The following RBFOX1 variants were observed in gnomAD, a reference collection of about 807,000 sequenced individuals.
RBFOX1 encodes the protein RNA binding protein fox-1 homolog 1.
RBFOX1 carries 8 observed loss-of-function variants against 57.7 expected under a neutral mutation model. The observed-to-expected ratio is 0.14, with a 90% confidence interval of 0.08 to 0.25. The LOEUF (loss-of-function observed/expected upper bound fraction) is 0.25. RBFOX1 is among the 10% of genes least tolerant of loss of function. The pLI is 1.00. For missense variants in RBFOX1, 611 were observed against 548.5 expected, an observed-to-expected ratio of 1.11 and a Z score of -1.14; for synonymous variants, 326 against 222.4, an observed-to-expected ratio of 1.47 and a Z score of -4.15.
chr16:5,994,792 A>G (rs1416558097), intron 4 of RBFOX1, among the ~76,000 whole-genome samples: 2 of 152,234 alleles, frequency 1.3e-5, no homozygotes, highest in Non-Finnish European at 2.9e-5. Context: ...CCTCCTGGGC[A>G]AGTCTCTTTT....
intron 4 of RBFOX1, among the ~76,000 whole-genome samples, chr16:5,916,162 G>A (rs1004506245): frequency 6.6e-6 from 1 of 151,774 alleles, no homozygotes; most frequent in Non-Finnish European, 1.5e-5. Flanking sequence ...CTGAAAATTC[G>A]TTTGGTGTCT....
At chr16:7,693,464 A>G (rs2077853464) in intron 14 of RBFOX1, 4 of 902,148 alleles carry the variant, frequency 4.4e-6, no homozygotes, top group Non-Finnish European at 6.7e-6. Flanking sequence ...TGGTCACTCT[A>G]GAAAGTTTAG....
chr16:6,637,310 T>TTATATGTTA (rs1419960203), intron 2 of RBFOX1, among the ~76,000 whole-genome samples: 1 of 50,822 alleles, frequency 2.0e-5, no homozygotes, highest in African/African-American at 8.7e-5. Context: ...CAAATATATA[T>TTATATGTTA]TATATATTAT....
At chr16:6,400,116 C>G (rs1000210701) in intron 2 of RBFOX1, among the ~76,000 whole-genome samples, 1 of 152,166 alleles carries the variant, frequency 6.6e-6, no homozygotes, top group Non-Finnish European at 1.5e-5. Context: ...TGACCTATGA[C>G]ATTTATAGAA....
chr16:6,959,759 A>G (rs1050131047), intron 3 of RBFOX1, among the ~76,000 whole-genome samples: 3 of 152,244 alleles, frequency 2.0e-5, no homozygotes, highest in Middle Eastern at 3.4e-3. Context: ...CAACATGGTG[A>G]AACCCCGTTT....
intron 12 of RBFOX1, among the ~76,000 whole-genome samples, chr16:7,660,310 G>T (rs60810402): frequency 0.039 from 5,882 of 152,262 alleles, 212 homozygotes; most frequent in East Asian, 0.18. Context: ...AACAATACAA[G>T]TACCTTTGCA....
chr16:6,386,137 G>T (rs1296360180), intron 2 of RBFOX1, among the ~76,000 whole-genome samples: 1 of 151,980 alleles, frequency 6.6e-6, no homozygotes, highest in Non-Finnish European at 1.5e-5. Context: ...GGGTTTCACC[G>T]TGTCACTCAG....
chr16:7,050,727 G>A (rs922995466), intron 3 of RBFOX1, among the ~76,000 whole-genome samples: 58 of 152,060 alleles, frequency 3.8e-4, no homozygotes, highest in African/African-American at 1.3e-3. Context: ...AATGGTACAT[G>A]TTATGCCATA....
At chr16:6,473,161 C>A (rs1019817696) in intron 2 of RBFOX1, among the ~76,000 whole-genome samples, 1 of 152,130 alleles carries the variant, frequency 6.6e-6, no homozygotes, top group South Asian at 2.1e-4. Context: ...TCTTGGCTCT[C>A]ACAGCTCTTA....
chr16:7,465,398 G>C (rs910041279), intron 4 of RBFOX1, among the ~76,000 whole-genome samples: 1 of 152,218 alleles, frequency 6.6e-6, no homozygotes, highest in Non-Finnish European at 1.5e-5. Flanking sequence ...TTGTGTCTCA[G>C]TGCCTCAGCT....
chr16:7,494,548 G>A (rs755413832), intron 4 of RBFOX1, among the ~76,000 whole-genome samples: 1 of 152,136 alleles, frequency 6.6e-6, no homozygotes, highest in African/African-American at 2.4e-5. Context: ...TAATAGCACA[G>A]AGATGTTCAG....
chr16:6,979,889 T>C (rs1028243499), intron 3 of RBFOX1, among the ~76,000 whole-genome samples: 4 of 152,114 alleles, frequency 2.6e-5, no homozygotes, highest in Non-Finnish European at 5.9e-5. Context: ...CATCTAGGTG[T>C]GGCCACAGGA....
intron 3 of RBFOX1, among the ~76,000 whole-genome samples, chr16:6,968,842 AC>A (rs1459557254): frequency 6.7e-6 from 1 of 150,288 alleles, no homozygotes; most frequent in Non-Finnish European, 1.5e-5. Flanking sequence ...TTTAAAGAAA[AC>A]CTGCAGGTCT....
At chr16:6,285,605 C>G (rs142951283) in intron 1 of RBFOX1, among the ~76,000 whole-genome samples, 1 of 152,222 alleles carries the variant, frequency 6.6e-6, no homozygotes, top group African/African-American at 2.4e-5. Flanking sequence ...GCTTTTTGTT[C>G]TGGTGAGAGG....
At chr16:7,014,278 T>C (rs1357836191) in intron 3 of RBFOX1, among the ~76,000 whole-genome samples, 1 of 152,050 alleles carries the variant, frequency 6.6e-6, no homozygotes, top group Non-Finnish European at 1.5e-5. Flanking sequence ...AGTGGCATGA[T>C]TTTGGCTCAC....
intron 3 of RBFOX1, among the ~76,000 whole-genome samples, chr16:5,764,264 A>G (rs2053695981): frequency 6.6e-6 from 1 of 152,168 alleles, no homozygotes; most frequent in Non-Finnish European, 1.5e-5. Flanking sequence ...ATAGTCCTGG[A>G]ATACCAGGAA....
Position 6,012,917 on chromosome 16 carries a change from C to G in RBFOX1, c.351+145582C>G, listed in dbSNP as rs145136100. On this transcript the variant is annotated intron_variant, in intron 4 of 19. Transcript: ENST00000641259. The stretch of plus-strand genomic sequence containing the variant: ...TTTCCTAAAATGTGATAACAATCTT[C>G]TAGATCACGTGACTGGGAACCTATG... 8.5e-4 allele frequency among the ~76,000 whole-genome samples: 129 copies of G among 152,312 alleles called. 1 individual carries two copies. In the East Asian group the frequency reaches 0.019, roughly 23 times the overall value.
chr16:6,976,322 T>A (rs2086836596), intron 3 of RBFOX1, among the ~76,000 whole-genome samples: 1 of 152,126 alleles, frequency 6.6e-6, no homozygotes, highest in Non-Finnish European at 1.5e-5. Flanking sequence ...GAGGCCACAC[T>A]CTAAATTTCT....
At chr16:6,652,483 TTC>T (rs545445936) in intron 2 of RBFOX1, among the ~76,000 whole-genome samples, 1 of 151,546 alleles carries the variant, frequency 6.6e-6, no homozygotes, top group Non-Finnish European at 1.5e-5. Flanking sequence ...CTGTCTCCCT[TTC>T]TCTCTCTCTC....
Sources: gnomAD v4.1 joint callset for allele counts (sites outside exome capture counted in the v4.1 genomes callset) on GRCh38, gnomAD v4.1.1 for gene constraint, MANE v1.5 for transcripts, NCBI Gene and HGNC (gene_info 2026-07-23, HGNC 2026-07-21) for gene names.